The following GPR89B variants were observed in gnomAD, a reference collection of about 807,000 sequenced individuals.
The protein encoded by GPR89B is golgi pH regulator B.
A neutral mutation model predicts 52.4 loss-of-function variants in GPR89B; 25 were observed. The ratio of observed to expected loss-of-function variants is 0.48; its 90% CI spans 0.35 to 0.67. GPR89B has a LOEUF of 0.67. Ranked by LOEUF, GPR89B falls within the 30% of genes least tolerant of loss-of-function variation. GPR89B has a pLI of 0.01. For missense variants in GPR89B, 146 were observed against 450.2 expected, an observed-to-expected ratio of 0.32 and a Z score of 6.11; for synonymous variants, 52 against 151.2, an observed-to-expected ratio of 0.34 and a Z score of 4.81.
At chr1:147,984,319 A>C (rs1658508541) in intron 10 of GPR89B, among the ~76,000 whole-genome samples, 1 of 150,914 alleles carries the variant, frequency 6.6e-6, no homozygotes, top group Admixed American at 6.6e-5. Flanking sequence ...CTAAAACTTA[A>C]AGTATAATAA....
At chr1:147,970,491 A>ATCTCTCTCTCTCTCTCCCTC (rs1558058762) in intron 10 of GPR89B, among the ~76,000 whole-genome samples, 1 of 105,738 alleles carries the variant, frequency 9.5e-6, no homozygotes, top group Non-Finnish European at 2.0e-5. Flanking sequence ...GTGAGACTCC[A>ATCTCTCTCTCTCTCTCCCTC]TCTCTCTCTC....
rs1658679664 is a variant in GPR89B, at chr1:147,986,493, TTC to T, written c.1005+207_1005+208del. ...ATGGAAAATTTGTAAAAGGCCAAGA[TTC>T]TCTCTCTTAACATAAAGCCAGAAGT... On this transcript the variant is annotated intron_variant, in intron 11 of 13. Coordinates refer to ENST00000314163, the MANE Select transcript of GPR89B (RefSeq NM_016334.5). Among the ~76,000 whole-genome samples the T allele has an allele frequency of 4.6e-5, 7 of 152,244 alleles. No individual in the cohort carries two copies. In the South Asian group the frequency reaches 1.5e-3, roughly 32 times the overall value.
intron 11 of GPR89B, 43 bp downstream of exon 11, chr1:147,986,337 T>C: frequency 6.2e-7 from 1 of 1,610,862 alleles, no homozygotes; most frequent in Non-Finnish European, 8.5e-7. Context: ...GTTTCTGTTT[T>C]ATCTGCTATA....
chr1:148,007,355 G>A, the GPR89B span, among the ~76,000 whole-genome samples: 389 of 152,194 alleles, frequency 2.6e-3, no homozygotes, highest in Admixed American at 4.0e-3. Flanking sequence ...GATTACAGGC[G>A]TGAGCCACTG....
chr1:147,930,462 C>T (rs1319059232), intron 1 of GPR89B, among the ~76,000 whole-genome samples: 1 of 151,932 alleles, frequency 6.6e-6, no homozygotes, highest in Admixed American at 6.6e-5. Context: ...CCATGAAGTC[C>T]AAGATACTGT....
chr1:147,977,529 C>T (rs2796956), intron 10 of GPR89B, among the ~76,000 whole-genome samples: 2 of 151,874 alleles, frequency 1.3e-5, no homozygotes, highest in African/African-American at 2.4e-5. Context: ...TCTGGCCTGT[C>T]TTGCTAGGTT....
At chr1:147,961,869 T>A (rs1199248598) in intron 7 of GPR89B, among the ~76,000 whole-genome samples, 1 of 151,912 alleles carries the variant, frequency 6.6e-6, no homozygotes, top group Non-Finnish European at 1.5e-5. Flanking sequence ...ATAGTAATGA[T>A]GTTAATTCTC....
chr1:147,972,235 A>G (rs1657524755), intron 10 of GPR89B, among the ~76,000 whole-genome samples: 1 of 151,104 alleles, frequency 6.6e-6, no homozygotes, highest in Non-Finnish European at 1.5e-5. Flanking sequence ...CTGATGATGA[A>G]TATTTGGTTG....
chr1:148,007,063 C>T, the GPR89B span, among the ~76,000 whole-genome samples: 9 of 150,168 alleles, frequency 6.0e-5, no homozygotes, highest in Admixed American at 2.0e-4. Flanking sequence ...GCATCACTAT[C>T]GTTGCATTTT....
intron 7 of GPR89B, among the ~76,000 whole-genome samples, chr1:147,959,663 A>G (rs1656390494): frequency 6.6e-6 from 1 of 152,136 alleles, no homozygotes; most frequent in Admixed American, 6.5e-5. Flanking sequence ...ACTGATATCC[A>G]AAATCTCAGT....
chr1:147,942,460 T>C (rs1440735217), intron 3 of GPR89B, among the ~76,000 whole-genome samples: 1 of 151,956 alleles, frequency 6.6e-6, no homozygotes, highest in East Asian at 1.9e-4. Flanking sequence ...CCACTCCATT[T>C]CTACCTAAAG....
chr1:147,981,780 G>A (rs1658272271), intron 10 of GPR89B, among the ~76,000 whole-genome samples: 1 of 151,620 alleles, frequency 6.6e-6, no homozygotes, highest in South Asian at 2.1e-4. Context: ...AGCCGCCTGA[G>A]TAGCTGGGAT....
chr1:147,950,870 C>T (rs1224667486), intron 5 of GPR89B, among the ~76,000 whole-genome samples: 19 of 152,054 alleles, frequency 1.2e-4, no homozygotes, highest in Admixed American at 1.2e-3. Flanking sequence ...TGCAGTGAGC[C>T]GAGATGGCAG....
intron 1 of GPR89B, among the ~76,000 whole-genome samples, chr1:147,929,550 G>A (rs1281970724): frequency 5.9e-5 from 9 of 152,178 alleles, no homozygotes; most frequent in African/African-American, 2.2e-4. Context: ...GATTTTGTGT[G>A]TGTGTGTTTG....
chr1:147,977,062 A>G (rs1254676256), intron 10 of GPR89B, among the ~76,000 whole-genome samples: 12 of 151,286 alleles, frequency 7.9e-5, no homozygotes, highest in Admixed American at 7.2e-4. Context: ...GTGAAACCCC[A>G]TCTCTACTAA....
chr1:147,963,664 T>G (rs1656807728), intron 7 of GPR89B, among the ~76,000 whole-genome samples: 1 of 152,010 alleles, frequency 6.6e-6, no homozygotes, highest in African/African-American at 2.4e-5. Context: ...CCTATCAGAA[T>G]AGCTAAAATA....
chr1:147,973,620 T>G (rs1484175936), intron 10 of GPR89B, among the ~76,000 whole-genome samples: 5 of 151,724 alleles, frequency 3.3e-5, no homozygotes, highest in Non-Finnish European at 5.9e-5. Flanking sequence ...CTGTTGGTTG[T>G]CTGTTCACCC....
the GPR89B span, among the ~76,000 whole-genome samples, chr1:148,018,658 C>CATTATT: frequency 1.4e-3 from 214 of 150,106 alleles, 1 homozygote; most frequent in South Asian, 2.7e-3. Flanking sequence ...AAGCAGTGCA[C>CATTATT]ATTATTATTA....
chr1:147,970,771 A>G (rs1258766396), intron 10 of GPR89B, among the ~76,000 whole-genome samples: 1 of 149,366 alleles, frequency 6.7e-6, no homozygotes, highest in Non-Finnish European at 1.5e-5. Flanking sequence ...TTTGCTGTAC[A>G]TATAGCTCTA....
Sources: allele counts gnomAD v4.1 joint callset (sites outside exome capture counted in the v4.1 genomes callset), GRCh38; gene constraint gnomAD v4.1.1; transcripts MANE v1.5; gene names NCBI Gene and HGNC (gene_info 2026-07-23, HGNC 2026-07-21).